The following DOCK5 variants were observed in gnomAD, a reference collection of about 807,000 sequenced individuals.
DOCK5 encodes dedicator of cytokinesis 5.
A neutral mutation model predicts 251.8 loss-of-function variants in DOCK5; 142 were observed. The ratio of observed to expected loss-of-function variants is 0.56; its 90% CI spans 0.49 to 0.65. The LOEUF (loss-of-function observed/expected upper bound fraction) is 0.65. Ranked by LOEUF, DOCK5 falls within the 30% of genes least tolerant of loss-of-function variation. DOCK5 has a pLI of 0.00. For missense variants in DOCK5, 2,111 were observed against 2,312.3 expected, an observed-to-expected ratio of 0.91 and a Z score of 1.79; for synonymous variants, 842 against 835.5, an observed-to-expected ratio of 1.01 and a Z score of -0.13.
chr8:25,381,948 A>G (rs959704268), intron 39 of DOCK5, among the ~76,000 whole-genome samples: 1 of 152,166 alleles, frequency 6.6e-6, no homozygotes, highest in Admixed American at 6.5e-5. Flanking sequence ...CTTATAATTT[A>G]CCAGACACTT....
rs1801387634 is a variant in DOCK5 at position 25,184,835 on chromosome 8, CGG to C, written c.-71_-70del. The C allele has an allele frequency of 8.1e-7, 1 of 1,237,252 alleles. No homozygotes were observed. Among genetic ancestry groups the C allele is most frequent in the East Asian group, 3.2e-5 (1 of 31,510 alleles). The allele number at this position is 1,237,252 out of a possible 1,614,324, so 76.6% of individuals were successfully genotyped here. A position where few individuals can be genotyped will look rare whatever the true frequency, so the allele number is the denominator to read the frequency against. On this transcript the variant is annotated 5_prime_UTR_variant, in exon 1 of 52. It removes the in-frame stop codon of an upstream open reading frame in the 5' UTR. Coordinates refer to ENST00000276440, the MANE Select transcript of DOCK5 (RefSeq NM_024940.8). Reference sequence around the variant, plus strand: ...GAAGCGTCTGGGGCACGCAGGAGCGCGGGGCGGCGGCGGCCGGAGCCCGAGGA... The same window carrying C: ...GAAGCGTCTGGGGCACGCAGGAGCGCGGCGGCGGCGGCCGGAGCCCGAGGA...
rs5890230 is a variant in DOCK5 at position 25,396,763 on chromosome 8, C to CGTGTGTGT, written c.4704+1073_4704+1080dup. ...ATTAATTGGGTGGCACTCTTGTGTC[C>CGTGTGTGT]GTGTGTGTGTGTGTGTGTGTGTGTG... On this transcript the variant is annotated intron_variant, in intron 45 of 51. Coordinates refer to ENST00000276440, the MANE Select transcript of DOCK5 (RefSeq NM_024940.8). Among the ~76,000 whole-genome samples the CGTGTGTGT allele has an allele frequency of 2.6e-3, 386 of 147,208 alleles. 3 individuals carry two copies. Among genetic ancestry groups the CGTGTGTGT allele is most frequent in the Middle Eastern group, 0.014 (4 of 288 alleles).
intron 2 of DOCK5, among the ~76,000 whole-genome samples, chr8:25,255,412 A>T (rs959736806): frequency 6.6e-6 from 1 of 152,216 alleles, no homozygotes; most frequent in African/African-American, 2.4e-5. Flanking sequence ...AGACATAGAT[A>T]TGCATGTTAC....
intron 40 of DOCK5, 76 bp from the exon 41 acceptor site, chr8:25,389,015 A>T: frequency 6.9e-7 from 1 of 1,443,794 alleles, no homozygotes; most frequent in Non-Finnish European, 9.5e-7. Flanking sequence ...TGCAGTGGCT[A>T]CCTCAGTACC....
At chr8:25,359,183 C>T (rs1424359470) in intron 28 of DOCK5, 122 bp downstream of exon 28, 7 of 777,180 alleles carry the variant, frequency 9.0e-6, no homozygotes, top group Non-Finnish European at 1.5e-5. Flanking sequence ...TGCTATGTGG[C>T]TGTCCACAGT....
chr8:25,369,062 C>T (rs371568230), intron 33 of DOCK5, among the ~76,000 whole-genome samples: 6 of 152,294 alleles, frequency 3.9e-5, no homozygotes, highest in East Asian at 1.9e-4. Context: ...TATTATAGTA[C>T]GGCTGAAAGC....
At chr8:25,217,732 T>C (rs897634779) in intron 1 of DOCK5, among the ~76,000 whole-genome samples, 1 of 152,166 alleles carries the variant, frequency 6.6e-6, no homozygotes, top group African/African-American at 2.4e-5. Flanking sequence ...ATATGGTAGT[T>C]TGAGAGGGTG....
intron 11 of DOCK5, among the ~76,000 whole-genome samples, chr8:25,306,433 G>T (rs1313727806): frequency 6.6e-6 from 1 of 152,092 alleles, no homozygotes; most frequent in Non-Finnish European, 1.5e-5. Flanking sequence ...AGGTCCGGGC[G>T]CATAGGCTTA....
intron 4 of DOCK5, chr8:25,277,331 GTGT>G (rs1804068004): frequency 6.5e-6 from 1 of 152,776 alleles, no homozygotes; most frequent in Non-Finnish European, 1.5e-5. Context: ...TCTAATTTCC[GTGT>G]TGTTACCAAA....
chr8:25,313,756 T>C (rs1805161638), intron 13 of DOCK5, among the ~76,000 whole-genome samples: 1 of 152,230 alleles, frequency 6.6e-6, no homozygotes, highest in Non-Finnish European at 1.5e-5. Flanking sequence ...GTTGTCCCTC[T>C]GTGCATGTCT....
intron 2 of DOCK5, among the ~76,000 whole-genome samples, chr8:25,256,420 C>G (rs564406836): frequency 6.6e-6 from 1 of 152,170 alleles, no homozygotes; most frequent in East Asian, 1.9e-4. Flanking sequence ...GGGTGGATCA[C>G]TTGAGGTTAG....
chr8:25,248,278 A>G (rs1463232172), intron 2 of DOCK5, among the ~76,000 whole-genome samples: 1 of 152,214 alleles, frequency 6.6e-6, no homozygotes, highest in Non-Finnish European at 1.5e-5. Context: ...TTTATTATTT[A>G]AGGCAGCTCG....
At chr8:25,357,874 T>C (rs1800606467) in intron 27 of DOCK5, among the ~76,000 whole-genome samples, 1 of 152,160 alleles carries the variant, frequency 6.6e-6, no homozygotes, top group Non-Finnish European at 1.5e-5. Context: ...TTAGCACCCC[T>C]GGATCTTTAC....
chr8:25,364,951 A>T (rs922148850), intron 30 of DOCK5, among the ~76,000 whole-genome samples: 1 of 152,244 alleles, frequency 6.6e-6, no homozygotes, highest in South Asian at 2.1e-4. Context: ...ATAGTAGAAG[A>T]TCAAAAATAT....
At chr8:25,258,906 G>A (rs921729634) in intron 2 of DOCK5, among the ~76,000 whole-genome samples, 6 of 152,122 alleles carry the variant, frequency 3.9e-5, no homozygotes, top group African/African-American at 9.7e-5. Flanking sequence ...ATCACTTGAG[G>A]TCAAGAGTTT....
At chr8:25,333,097 C>A (rs1329903304) in intron 20 of DOCK5, among the ~76,000 whole-genome samples, 1 of 152,210 alleles carries the variant, frequency 6.6e-6, no homozygotes, top group African/African-American at 2.4e-5. Flanking sequence ...GCAGAATATT[C>A]AACCCAGCAG....
chr8:25,387,336 G>T (rs563848866), intron 40 of DOCK5, among the ~76,000 whole-genome samples: 1 of 151,996 alleles, frequency 6.6e-6, no homozygotes, highest in South Asian at 2.1e-4. Context: ...GCACCATCAC[G>T]CCCAGTTAAT....
chr8:25,208,864 T>A (rs1284100770), intron 1 of DOCK5, among the ~76,000 whole-genome samples: 1 of 152,184 alleles, frequency 6.6e-6, no homozygotes, highest in Non-Finnish European at 1.5e-5. Context: ...CCTTCATTTC[T>A]TTGCCTTCCC....
At chr8:25,280,789 A>G (rs1804169402) in intron 5 of DOCK5, among the ~76,000 whole-genome samples, 1 of 152,186 alleles carries the variant, frequency 6.6e-6, no homozygotes, top group Non-Finnish European at 1.5e-5. Flanking sequence ...CGTGGCCTTC[A>G]TTGATCATCT....
Sources: allele counts gnomAD v4.1 joint callset (sites outside exome capture counted in the v4.1 genomes callset), GRCh38; gene constraint gnomAD v4.1.1; transcripts MANE v1.5; gene names NCBI Gene and HGNC (gene_info 2026-07-23, HGNC 2026-07-21).